ENTREP2: variants seen among roughly 807,000 people sequenced by gnomAD.
ENTREP2 encodes protein ENTREP2.
chr15:29,474,940 A>G, the ENTREP2 span, among the ~76,000 whole-genome samples: 1 of 152,124 alleles, frequency 6.6e-6, no homozygotes, highest in Non-Finnish European at 1.5e-5. Flanking sequence ...TATTCATAGA[A>G]AGAAACCCCA....
the ENTREP2 span, among the ~76,000 whole-genome samples, chr15:29,167,223 A>C: frequency 6.6e-5 from 10 of 152,352 alleles, no homozygotes; most frequent in African/African-American, 2.2e-4. Context: ...ATTCTAGAAG[A>C]TAACATCGGA....
the ENTREP2 span, among the ~76,000 whole-genome samples, chr15:29,278,846 C>T: frequency 1.3e-5 from 2 of 152,332 alleles, no homozygotes; most frequent in Admixed American, 1.3e-4. Context: ...CAGAATACCA[C>T]AGACTTGGGG....
chr15:29,306,664 ATTTTTTTTTTTT>A, the ENTREP2 span, among the ~76,000 whole-genome samples: 37 of 77,320 alleles, frequency 4.8e-4, no homozygotes, highest in Admixed American at 8.3e-4. Context: ...ATAATTGGTA[ATTTTTTTTTTTT>A]TTTTTTTTTT....
the ENTREP2 span, chr15:29,195,228 C>T: frequency 1.3e-3 from 1,266 of 985,370 alleles, 12 homozygotes; most frequent in African/African-American, 0.021. Flanking sequence ...TTCCTCCGTG[C>T]AAAACATGAC....
At chr15:29,477,993 C>CTA in the ENTREP2 span, among the ~76,000 whole-genome samples, 2,218 of 85,914 alleles carry the variant, frequency 0.026, 81 homozygotes, top group Non-Finnish European at 0.034. Context: ...TTAAATTTAA[C>CTA]TATATATATA....
At chr15:29,414,091 G>A in the ENTREP2 span, among the ~76,000 whole-genome samples, 4 of 151,986 alleles carry the variant, frequency 2.6e-5, no homozygotes, top group African/African-American at 7.3e-5. Flanking sequence ...ACAGATCAAC[G>A]AGACAGAAAG....
At chr15:29,148,096 C>CAGAA in the ENTREP2 span, among the ~76,000 whole-genome samples, 69 of 152,206 alleles carry the variant, frequency 4.5e-4, no homozygotes, top group Non-Finnish European at 8.2e-4. Context: ...ACAGGCAAAT[C>CAGAA]CATGGATACA....
At chr15:29,304,866 T>G in the ENTREP2 span, among the ~76,000 whole-genome samples, 1 of 152,168 alleles carries the variant, frequency 6.6e-6, no homozygotes, top group Non-Finnish European at 1.5e-5. Context: ...CCTCAGACAT[T>G]GCAAGGCAAA....
the ENTREP2 span, among the ~76,000 whole-genome samples, chr15:29,295,474 G>T: frequency 6.6e-6 from 1 of 152,162 alleles, no homozygotes. Flanking sequence ...TATCCTTAGG[G>T]GGATACATCC....
the ENTREP2 span, among the ~76,000 whole-genome samples, chr15:29,556,762 G>GCCCCCCC: frequency 5.7e-4 from 22 of 38,912 alleles, no homozygotes; most frequent in African/African-American, 1.5e-3. Context: ...CCATGCAGGT[G>GCCCCCCC]CCCCCCCCCC....
chr15:29,463,032 C>G, the ENTREP2 span, among the ~76,000 whole-genome samples: 3 of 152,204 alleles, frequency 2.0e-5, no homozygotes, highest in South Asian at 6.2e-4. Flanking sequence ...GGAGGTGCCT[C>G]CAGGGGCAGG....
the ENTREP2 span, among the ~76,000 whole-genome samples, chr15:29,670,326 TG>T: frequency 6.6e-6 from 1 of 152,138 alleles, no homozygotes; most frequent in East Asian, 1.9e-4. Context: ...AAGATGGCTC[TG>T]GGGCAGGACG....
At chr15:29,340,827 C>A in the ENTREP2 span, among the ~76,000 whole-genome samples, 3,284 of 152,220 alleles carry the variant, frequency 0.022, 54 homozygotes, top group African/African-American at 0.044. Context: ...AAGAAGCATC[C>A]GTGCCATTTC....
the ENTREP2 span, among the ~76,000 whole-genome samples, chr15:29,652,724 C>T: frequency 6.6e-6 from 1 of 152,220 alleles, no homozygotes; most frequent in East Asian, 1.9e-4. Flanking sequence ...GTGCTGGTAC[C>T]TGGAAACTGC....
At chr15:29,604,604 A>G in the ENTREP2 span, among the ~76,000 whole-genome samples, 1 of 152,240 alleles carries the variant, frequency 6.6e-6, no homozygotes, top group Non-Finnish European at 1.5e-5. Flanking sequence ...TAACAAAAAT[A>G]CATTGAAAAG....
chr15:29,398,636 A>G, the ENTREP2 span, among the ~76,000 whole-genome samples: 1 of 152,206 alleles, frequency 6.6e-6, no homozygotes, highest in African/African-American at 2.4e-5. Flanking sequence ...AGGCAGGAGA[A>G]TCACTGGAAC....
At chr15:29,614,645 G>A in the ENTREP2 span, among the ~76,000 whole-genome samples, 10 of 152,206 alleles carry the variant, frequency 6.6e-5, no homozygotes, top group Non-Finnish European at 1.0e-4. Flanking sequence ...TCTCCAGGAA[G>A]CTGGGTCCCA....
the ENTREP2 span, among the ~76,000 whole-genome samples, chr15:29,338,883 T>G: frequency 8.1e-6 from 1 of 124,220 alleles, no homozygotes; most frequent in Non-Finnish European, 1.8e-5. Context: ...AATTATTGAT[T>G]CCCAGCAAAT....
chr15:29,486,325 G>A, the ENTREP2 span, among the ~76,000 whole-genome samples: 3 of 152,190 alleles, frequency 2.0e-5, no homozygotes, highest in South Asian at 2.1e-4. Flanking sequence ...TGCGGTGTAC[G>A]TATGATATAC....
Sources: gnomAD v4.1 joint callset for allele counts (sites outside exome capture counted in the v4.1 genomes callset) on GRCh38, gnomAD v4.1.1 for gene constraint, MANE v1.5 for transcripts, NCBI Gene and HGNC (gene_info 2026-07-23, HGNC 2026-07-21) for gene names.